Variants in RBFOX1 observed in about 807,000 individuals in gnomAD.
The protein encoded by RBFOX1 is RNA binding fox-1 homolog 1.
RBFOX1 carries 8 observed loss-of-function variants against 57.7 expected under a neutral mutation model. The ratio of observed to expected loss-of-function variants is 0.14; its 90% CI spans 0.08 to 0.25. The LOEUF (loss-of-function observed/expected upper bound fraction) is 0.25. RBFOX1 is among the 10% of genes least tolerant of loss of function. The pLI, the probability that RBFOX1 is intolerant of heterozygous loss-of-function variation, is 1.00. For synonymous variants in RBFOX1, 326 were observed against 222.4 expected, an observed-to-expected ratio of 1.47 and a Z score of -4.15; for missense variants, 611 against 548.5, an observed-to-expected ratio of 1.11 and a Z score of -1.14.
At chr16:6,758,484 T>C (rs1216552789) in intron 3 of RBFOX1, among the ~76,000 whole-genome samples, 1 of 152,160 alleles carries the variant, frequency 6.6e-6, no homozygotes, top group Non-Finnish European at 1.5e-5. Flanking sequence ...GCCTTGGCAC[T>C]GATTAATTGA....
intron 5 of RBFOX1, among the ~76,000 whole-genome samples, chr16:7,567,784 T>TCCATATGTATACCTATATATATCC (rs2092258231): frequency 6.8e-6 from 1 of 146,198 alleles, no homozygotes; most frequent in Admixed American, 7.0e-5. Context: ...TCTATATATA[T>TCCATATGTATACCTATATATATCC]CCATATGTAT....
intron 4 of RBFOX1, among the ~76,000 whole-genome samples, chr16:7,516,614 G>A (rs1364182373): frequency 6.6e-6 from 1 of 152,206 alleles, no homozygotes. Flanking sequence ...ATGGGAAAAT[G>A]TTAGAAAGAG....
At chr16:6,173,537 G>T (rs542029631) in intron 1 of RBFOX1, among the ~76,000 whole-genome samples, 2 of 149,698 alleles carry the variant, frequency 1.3e-5, no homozygotes, top group African/African-American at 4.9e-5. Flanking sequence ...TACCCAAATC[G>T]ATTGTTCCTG....
chr16:5,989,240 A>G (rs1170140754), intron 4 of RBFOX1, among the ~76,000 whole-genome samples: 1 of 151,740 alleles, frequency 6.6e-6, no homozygotes, highest in African/African-American at 2.4e-5. Context: ...CTGAGGCAGG[A>G]GAATGGTGTG....
At chr16:7,380,580 C>G (rs757968414) in intron 4 of RBFOX1, among the ~76,000 whole-genome samples, 5 of 152,174 alleles carry the variant, frequency 3.3e-5, no homozygotes, top group Admixed American at 6.5e-5. Flanking sequence ...AAAAACAAAA[C>G]AAAACAAAAA....
intron 4 of RBFOX1, among the ~76,000 whole-genome samples, chr16:7,300,216 C>T (rs1263575022): frequency 6.6e-6 from 1 of 152,078 alleles, no homozygotes; most frequent in African/African-American, 2.4e-5. Flanking sequence ...CTTTCTGCTG[C>T]CCCTCCCCCA....
chr16:7,317,113 G>T (rs977254152), intron 4 of RBFOX1, among the ~76,000 whole-genome samples: 12 of 151,966 alleles, frequency 7.9e-5, no homozygotes, highest in African/African-American at 2.9e-4. Context: ...TGAGGACGGG[G>T]GTGTCAAGTA....
intron 1 of RBFOX1, among the ~76,000 whole-genome samples, chr16:5,355,143 C>T (rs929380246): frequency 6.6e-6 from 1 of 152,032 alleles, no homozygotes; most frequent in African/African-American, 2.4e-5. Flanking sequence ...AGAGGTGTGT[C>T]CTTCTTGGCT....
intron 2 of RBFOX1, among the ~76,000 whole-genome samples, chr16:6,359,363 G>A (rs2087979345): frequency 6.6e-6 from 1 of 152,144 alleles, no homozygotes; most frequent in Non-Finnish European, 1.5e-5. Context: ...AAAGTGCTGA[G>A]ATTACAGATG....
intron 2 of RBFOX1, among the ~76,000 whole-genome samples, chr16:6,528,143 C>G (rs979630459): frequency 2.6e-5 from 4 of 152,162 alleles, no homozygotes; most frequent in Non-Finnish European, 5.9e-5. Context: ...TTTACCTAAA[C>G]CTTGATTCTG....
At chr16:7,699,164 C>T (rs956852992) in intron 14 of RBFOX1, among the ~76,000 whole-genome samples, 3 of 152,116 alleles carry the variant, frequency 2.0e-5, no homozygotes, top group Admixed American at 2.0e-4. Flanking sequence ...GACCTCACAC[C>T]TTGGGACACA....
chr16:5,722,581 C>G (rs1368736858), intron 3 of RBFOX1, among the ~76,000 whole-genome samples: 1 of 152,126 alleles, frequency 6.6e-6, no homozygotes, highest in Non-Finnish European at 1.5e-5. Context: ...CCCAGGAAGG[C>G]ATCTTTATCA....
At chr16:6,625,017 T>C (rs186532659) in intron 2 of RBFOX1, among the ~76,000 whole-genome samples, 5 of 151,934 alleles carry the variant, frequency 3.3e-5, no homozygotes, top group African/African-American at 9.7e-5. Context: ...ATACAAAAAT[T>C]AGCTGGGTGT....
chr16:5,841,175 C>G (rs1386873313), intron 3 of RBFOX1, among the ~76,000 whole-genome samples: 2 of 152,166 alleles, frequency 1.3e-5, no homozygotes, highest in East Asian at 1.9e-4. Flanking sequence ...ATCTCCAACA[C>G]TATATAGAGT....
intron 4 of RBFOX1, among the ~76,000 whole-genome samples, chr16:7,350,719 C>T (rs1279605377): frequency 1.3e-5 from 2 of 152,118 alleles, no homozygotes; most frequent in Non-Finnish European, 2.9e-5. Flanking sequence ...TCTTCATTGA[C>T]CGGAGAATTC....
intron 4 of RBFOX1, among the ~76,000 whole-genome samples, chr16:7,444,545 T>A (rs1455192535): frequency 6.6e-6 from 1 of 152,140 alleles, no homozygotes; most frequent in South Asian, 2.1e-4. Flanking sequence ...GGTAGCCTTT[T>A]TTTTTGAGAC....
intron 2 of RBFOX1, among the ~76,000 whole-genome samples, chr16:6,577,857 T>C (rs1471980103): frequency 6.6e-6 from 1 of 152,170 alleles, no homozygotes; most frequent in African/African-American, 2.4e-5. Flanking sequence ...GGAAGGACTA[T>C]ATGGAAGGAT....
At chr16:5,412,148 C>T (rs897018395) in intron 1 of RBFOX1, among the ~76,000 whole-genome samples, 4 of 151,844 alleles carry the variant, frequency 2.6e-5, no homozygotes, top group African/African-American at 9.7e-5. Context: ...AGGTCAAACG[C>T]CCAGGTTCTG....
intron 1 of RBFOX1, among the ~76,000 whole-genome samples, chr16:5,373,125 C>G (rs938557720): frequency 1.3e-5 from 2 of 152,096 alleles, no homozygotes; most frequent in Non-Finnish European, 2.9e-5. Context: ...AGGAGGAGGA[C>G]GTGAAATGGA....
Sources: allele counts gnomAD v4.1 joint callset (sites outside exome capture counted in the v4.1 genomes callset), GRCh38; gene constraint gnomAD v4.1.1; transcripts MANE v1.5; gene names NCBI Gene and HGNC (gene_info 2026-07-23, HGNC 2026-07-21).